CNTLN: variants seen among roughly 807,000 people sequenced by gnomAD.
CNTLN encodes centlein.
Under a neutral mutation model 180.0 loss-of-function variants are expected in CNTLN, and 212 were observed. The ratio of observed to expected loss-of-function variants is 1.18; its 90% CI spans 1.05 to 1.32. The LOEUF (loss-of-function observed/expected upper bound fraction) is 1.32, where lower values mean the gene tolerates loss of function less well. Ranked by LOEUF, CNTLN falls within the 40% of genes most tolerant of loss-of-function variation. The probability of loss-of-function intolerance (pLI) is 0.00; values close to 1 mark genes in which losing one functional copy is unlikely to be tolerated. For synonymous variants in CNTLN, 722 were observed against 563.1 expected, an observed-to-expected ratio of 1.28 and a Z score of -3.99; for missense variants, 2,095 against 1,610.9, an observed-to-expected ratio of 1.30 and a Z score of -5.14.
At chr9:17,152,199 C>T (rs577653951) in intron 2 of CNTLN, among the ~76,000 whole-genome samples, 1 of 152,092 alleles carries the variant, frequency 6.6e-6, no homozygotes, top group East Asian at 1.9e-4. Context: ...TTGTCTTCTG[C>T]TAGCTTTTGA....
chr9:17,157,580 A>G (rs2131562530), intron 2 of CNTLN, among the ~76,000 whole-genome samples: 1 of 152,226 alleles, frequency 6.6e-6, no homozygotes, highest in Middle Eastern at 3.4e-3. Flanking sequence ...TGCTTCTGGA[A>G]GAGATTAGCG....
intron 5 of CNTLN, among the ~76,000 whole-genome samples, chr9:17,261,617 C>G (rs768071297): frequency 1.3e-5 from 2 of 151,306 alleles, no homozygotes; most frequent in Admixed American, 6.6e-5. Context: ...TCATCAGTGA[C>G]AAGGGGTAAC....
chr9:17,214,483 T>C (rs112947598), intron 2 of CNTLN, among the ~76,000 whole-genome samples: 3,968 of 152,288 alleles, frequency 0.026, 177 homozygotes, highest in African/African-American at 0.09. Flanking sequence ...TGGCTGCCCT[T>C]AATATTTTTT....
intron 25 of CNTLN, among the ~76,000 whole-genome samples, chr9:17,488,226 C>T (rs938633274): frequency 3.3e-5 from 5 of 152,100 alleles, no homozygotes; most frequent in African/African-American, 1.2e-4. Flanking sequence ...TGTCTGGAAT[C>T]ACTTTAATAA....
downstream of CNTLN, among the ~76,000 whole-genome samples, chr9:17,507,912 AC>A (rs1833961458): frequency 6.6e-6 from 1 of 151,990 alleles, no homozygotes. Flanking sequence ...CTTTCCTTTC[AC>A]CTAGGAAATG....
rs114041771 is a variant in CNTLN at position 17,384,628 on chromosome 9, C to T, written c.1988-3534C>T. On this transcript the variant is annotated intron_variant, in intron 13 of 25. Coordinates refer to ENST00000380647, the MANE Select transcript of CNTLN (RefSeq NM_017738.4). ...TTTTCATTGGCTTATGGTTACTTCTCGGAGGAGATGGGTTCTAATTATAGT... is the reference window on the plus strand; with the variant it reads ...TTTTCATTGGCTTATGGTTACTTCTTGGAGGAGATGGGTTCTAATTATAGT... Among the ~76,000 whole-genome samples the T allele has an allele frequency of 4.7e-3, 717 of 152,172 alleles. 7 individuals carry two copies. The highest frequency in any genetic ancestry group is 0.016 in the African/African-American group (664 of 41,524).
At chr9:17,152,146 G>A (rs1818932111) in intron 2 of CNTLN, among the ~76,000 whole-genome samples, 2 of 152,024 alleles carry the variant, frequency 1.3e-5, no homozygotes, top group Admixed American at 6.5e-5. Flanking sequence ...AGGGTTTTTT[G>A]TGTCTCTATT....
chr9:17,378,524 C>A (rs929953722), intron 13 of CNTLN, among the ~76,000 whole-genome samples: 2 of 152,034 alleles, frequency 1.3e-5, no homozygotes, highest in African/African-American at 2.4e-5. Flanking sequence ...TAATAATGTT[C>A]TTTGTTATTG....
intron 6 of CNTLN, among the ~76,000 whole-genome samples, chr9:17,282,625 A>G (rs988230043): frequency 6.6e-6 from 1 of 152,054 alleles, no homozygotes; most frequent in Non-Finnish European, 1.5e-5. Flanking sequence ...TTTTGTTACA[A>G]TTGCTTTTGA....
chr9:17,292,472 C>A (rs1004297896), intron 6 of CNTLN, among the ~76,000 whole-genome samples: 2 of 152,118 alleles, frequency 1.3e-5, no homozygotes, highest in Admixed American at 6.5e-5. Flanking sequence ...TTTACATAAT[C>A]CCAAAGTTCA....
Position 17,444,834 on chromosome 9 carries a change from T to C in CNTLN, c.3115-12690T>C, listed in dbSNP as rs1004876487. ...GAATAGAAAATGAAGGGAAGGCTGA[T>C]GGTAGAAGTTCCTATGTGGAATTTT... On this transcript the variant is annotated intron_variant, in intron 18 of 25. Transcript: ENST00000380647. Among the ~76,000 whole-genome samples the C allele has an allele frequency of 4.6e-5, 7 of 152,318 alleles. No homozygotes were observed. The South Asian group carries it at 1.0e-3, about 23-fold the overall frequency.
chr9:17,342,211 A>G, intron 11 of CNTLN, 114 bp from the exon 12 acceptor site: 1 of 971,382 alleles, frequency 1.0e-6, no homozygotes, highest in South Asian at 1.6e-5. Flanking sequence ...TAAATGGTGA[A>G]CTCGAGTTAG....
chr9:17,429,700 A>C (rs1829303685), intron 18 of CNTLN, among the ~76,000 whole-genome samples: 1 of 152,008 alleles, frequency 6.6e-6, no homozygotes. Flanking sequence ...CATGGTTAGT[A>C]AATGGGAAGT....
downstream of CNTLN, among the ~76,000 whole-genome samples, chr9:17,507,984 G>T (rs1833963647): frequency 6.6e-6 from 1 of 152,150 alleles, no homozygotes; most frequent in African/African-American, 2.4e-5. Context: ...TACATTTTGT[G>T]TTAGAGAAAA....
intron 2 of CNTLN, among the ~76,000 whole-genome samples, chr9:17,152,897 T>C (rs1302188344): frequency 6.6e-6 from 1 of 152,230 alleles, no homozygotes; most frequent in African/African-American, 2.4e-5. Flanking sequence ...CATTGATCCC[T>C]TTACCATCAT....
At chr9:17,444,938 A>G (rs539685229) in intron 18 of CNTLN, among the ~76,000 whole-genome samples, 2 of 152,156 alleles carry the variant, frequency 1.3e-5, no homozygotes, top group Non-Finnish European at 2.9e-5. Flanking sequence ...AAACTTTGCA[A>G]ATCTCTTTTT....
rs111557546 is a variant in CNTLN, at chr9:17,411,015, A to G, written c.2796+1542A>G. Among the ~76,000 whole-genome samples, 1,275 of 152,226 alleles carry G rather than the reference A, an allele frequency of 8.4e-3. 13 individuals are homozygous for G. The highest frequency in any genetic ancestry group is 0.028 in the African/African-American group (1,175 of 41,544). On this transcript the variant is annotated intron_variant, in intron 16 of 25. Coordinates refer to ENST00000380647, the MANE Select transcript of CNTLN (RefSeq NM_017738.4). The stretch of plus-strand genomic sequence containing the variant: ...TTCAAAATGAATTTAAAATCAGCTT[A>G]AGTTCTACAAAAACTTTTTTTGGGA...
chr9:17,257,463 A>T (rs1316500666), intron 5 of CNTLN, among the ~76,000 whole-genome samples: 1 of 152,008 alleles, frequency 6.6e-6, no homozygotes, highest in African/African-American at 2.4e-5. Flanking sequence ...TTATAGCAGC[A>T]TGATTTATAG....
chr9:17,498,386 A>G (rs956309533), intron 25 of CNTLN, among the ~76,000 whole-genome samples: 1 of 152,164 alleles, frequency 6.6e-6, no homozygotes, highest in African/African-American at 2.4e-5. Flanking sequence ...TAAGATTGTG[A>G]TAGTTGCATA....
Sources: allele counts gnomAD v4.1 joint callset (sites outside exome capture counted in the v4.1 genomes callset), GRCh38; gene constraint gnomAD v4.1.1; transcripts MANE v1.5; gene names NCBI Gene and HGNC (gene_info 2026-07-23, HGNC 2026-07-21).